Variants in KTN1 observed in about 807,000 individuals in gnomAD.
KTN1 encodes the protein kinectin 1, also known as kinectin.
A neutral mutation model predicts 222.5 loss-of-function variants in KTN1; 130 were observed. The observed-to-expected ratio is 0.58, with a 90% confidence interval of 0.51 to 0.68. KTN1 has a LOEUF of 0.68. Among genes scored for constraint, KTN1 ranks in the 30% least tolerant of loss-of-function variants. The pLI, the probability that KTN1 is intolerant of heterozygous loss-of-function variation, is 0.00. For synonymous variants in KTN1, 512 were observed against 496.3 expected, an observed-to-expected ratio of 1.03 and a Z score of -0.42; for missense variants, 1,508 against 1,500.4, an observed-to-expected ratio of 1.01 and a Z score of -0.08.
intron 28 of KTN1, among the ~76,000 whole-genome samples, chr14:55,655,749 G>C (rs1356331780): frequency 2.0e-5 from 3 of 152,126 alleles, no homozygotes; most frequent in Non-Finnish European, 4.4e-5. Context: ...AAAACTCCTT[G>C]CTTTTGAAGT....
Position 55,617,762 on chromosome 14 carries a change from A to G in KTN1, c.662-202A>G, listed in dbSNP as rs536322249. On this transcript the variant is annotated intron_variant, in intron 3 of 43. Coordinates refer to ENST00000395314, the MANE Select transcript of KTN1 (RefSeq NM_001079521.2). ...TTTTAGATGATTTAAATGATTTACTATAAAATAAGACTGTTGAGCTGGTAC... is the reference window on the plus strand; with the variant it reads ...TTTTAGATGATTTAAATGATTTACTGTAAAATAAGACTGTTGAGCTGGTAC... 7.2e-5 allele frequency among the ~76,000 whole-genome samples: 11 copies of G among 152,336 alleles called. No homozygotes were observed. In the South Asian group the frequency reaches 2.1e-3, roughly 29 times the overall value.
chr14:55,619,403 C>G, intron 5 of KTN1, 91 bp downstream of exon 5: 3 of 1,182,168 alleles, frequency 2.5e-6, no homozygotes, highest in Middle Eastern at 2.0e-4. Context: ...AATATCTACT[C>G]CCATCCTTAA....
rs550221626 is a variant in KTN1, at chr14:55,650,477, A to T, written c.2496+59A>T. ...TTGTTTATCAACTTTAGTTAATATCATTTAATTTCGTGTGTTTTTGTCTGT... is the reference window on the plus strand; with the variant it reads ...TTGTTTATCAACTTTAGTTAATATCTTTTAATTTCGTGTGTTTTTGTCTGT... On this transcript the variant is annotated intron_variant, in intron 23 of 43. Transcript: ENST00000395314. The T allele has an allele frequency of 6.0e-4, 908 of 1,505,376 alleles. 7 individuals are homozygous for T. Among genetic ancestry groups the T allele is most frequent in the South Asian group, 3.6e-3 (310 of 86,472 alleles). The allele number at this position is 1,505,376 out of a possible 1,614,324, so 93.3% of individuals were successfully genotyped here.
intron 12 of KTN1, among the ~76,000 whole-genome samples, chr14:55,638,887 C>T (rs1413403753): frequency 6.6e-6 from 1 of 151,720 alleles, no homozygotes; most frequent in Non-Finnish European, 1.5e-5. Context: ...TGACAAATGG[C>T]CTTTCTGGCT....
At position 55,663,979 on chromosome 14, in the gene KTN1, G is replaced by A. The variant is rs1171917251; in HGVS notation, c.3115G>A (p.Ala1039Thr). The change falls in exon 33 of 44, where the codon GCA (alanine) becomes ACA (threonine). Residue 1039 changes from alanine (A) to threonine (T), a missense_variant. Transcript: ENST00000395314. Reference protein sequence around the residue: ...NNDLREKNWEAMEALASTEKM... With the variant: ...NNDLREKNWETMEALASTEKM... ...GGACCTTCGGGAGAAAAACTGGGAA[G>A]CAATGGAAGCATTGGCATCAACTGA... is the stretch of plus-strand genomic sequence containing the variant. The A allele has an allele frequency of 1.9e-6, 3 of 1,611,918 alleles. No individual in the cohort carries two copies. The highest frequency in any genetic ancestry group is 2.5e-6 in the Non-Finnish European group (3 of 1,178,382).
chr14:55,669,378 A>G (rs2045225062), intron 34 of KTN1, among the ~76,000 whole-genome samples: 1 of 152,134 alleles, frequency 6.6e-6, no homozygotes, highest in Non-Finnish European at 1.5e-5. Flanking sequence ...ATAGTCTACA[A>G]GAAATGTACT....
chr14:55,653,108 A>G (rs756337468), intron 27 of KTN1, 23 bp downstream of exon 27: 2 of 1,362,864 alleles, frequency 1.5e-6, no homozygotes, highest in South Asian at 1.2e-5. Context: ...CAAATTACCA[A>G]CATGTTACAT....
chr14:55,669,522 A>C (rs1053442016), intron 34 of KTN1, among the ~76,000 whole-genome samples: 1 of 151,994 alleles, frequency 6.6e-6, no homozygotes, highest in African/African-American at 2.4e-5. Context: ...GATAATTAGT[A>C]GATATAAAAA....
At chr14:55,633,194 G>T (rs1305344855) in intron 7 of KTN1, 41 bp from the exon 8 acceptor site, 1 of 1,135,048 alleles carries the variant, frequency 8.8e-7, no homozygotes, top group African/African-American at 1.6e-5. Flanking sequence ...AGCTTTGACA[G>T]TCTTTGTTTT....
chr14:55,587,211 T>C (rs1052466181), intron 1 of KTN1, among the ~76,000 whole-genome samples: 1 of 152,320 alleles, frequency 6.6e-6, no homozygotes, highest in South Asian at 2.1e-4. Context: ...TTGAGTCTTT[T>C]GCTTTACTTG....
At chr14:55,625,843 A>T (rs892781661) in intron 5 of KTN1, among the ~76,000 whole-genome samples, 3 of 152,166 alleles carry the variant, frequency 2.0e-5, no homozygotes, top group Non-Finnish European at 4.4e-5. Context: ...GTCTGACGCC[A>T]GCCTGCATTT....
At chr14:55,585,836 T>C (rs185412796) in intron 1 of KTN1, among the ~76,000 whole-genome samples, 1 of 152,210 alleles carries the variant, frequency 6.6e-6, no homozygotes, top group Non-Finnish European at 1.5e-5. Flanking sequence ...GCTTCCACTT[T>C]GAATAGGTTC....
chr14:55,589,566 T>C (rs2033703826), intron 1 of KTN1, among the ~76,000 whole-genome samples: 1 of 151,646 alleles, frequency 6.6e-6, no homozygotes, highest in South Asian at 2.1e-4. Context: ...TGCCTTAGCC[T>C]CCCAAAGTGC....
At chr14:55,659,029 C>G (rs2141201025) in intron 30 of KTN1, among the ~76,000 whole-genome samples, 1 of 151,696 alleles carries the variant, frequency 6.6e-6, no homozygotes, top group African/African-American at 2.4e-5. Context: ...AAGAGGTTTT[C>G]AAGTTATAAT....
chr14:55,646,483 T>TTC lies in KTN1; in HGVS notation c.2173-490_2173-489insTC, dbSNP rs1555377283. On this transcript the variant is annotated intron_variant, in intron 18 of 43. Transcript: ENST00000395314. ...CCTTTTCCTTTCCTTTCCTTTCCTT[T>TTC]CCTTTCCTTTCCTTTCCTTTCCTTT... 1.9e-3 allele frequency among the ~76,000 whole-genome samples: 125 copies of TTC among 65,034 alleles called. 1 individual carries two copies. The highest frequency in any genetic ancestry group is 7.3e-3 in the African/African-American group (96 of 13,098). 42.7% of individuals were successfully genotyped at this position (65,034 alleles called of 152,430 possible).
At chr14:55,679,539 T>A in intron 42 of KTN1, 26 bp from the exon 43 acceptor site, 2 of 1,583,996 alleles carry the variant, frequency 1.3e-6, no homozygotes, top group South Asian at 2.3e-5. Context: ...GTATGGAGTT[T>A]ATCATCACTT....
At position 55,641,109 on chromosome 14, in the gene KTN1, T is replaced by G. The variant is rs1045509025; in HGVS notation, c.2022-18T>G. On this transcript the variant is annotated intron_variant, in intron 16 of 43. Transcript: ENST00000395314. ...CTGAATGTATGAAGTATTTTAATTT[T>G]TTTTTTCACCCTCATAGTGTTTATG... is the stretch of plus-strand genomic sequence containing the variant. The G allele has an allele frequency of 2.6e-6, 4 of 1,549,426 alleles. No individual in the cohort carries two copies. Among genetic ancestry groups the G allele is most frequent in the African/African-American group, 1.4e-5 (1 of 72,558 alleles).
At chr14:55,590,918 C>A (rs1343468942) in intron 1 of KTN1, among the ~76,000 whole-genome samples, 1 of 152,188 alleles carries the variant, frequency 6.6e-6, no homozygotes, top group Non-Finnish European at 1.5e-5. Flanking sequence ...TTGTGATCCA[C>A]CCGCCTTGGC....
rs2038404447 is a variant in KTN1 at position 55,616,458 on chromosome 14, T to C, written c.524-59T>C. 4.2e-6 allele frequency: 6 copies of C among 1,441,254 alleles called. No homozygotes were observed. In the South Asian group the frequency reaches 7.0e-5, roughly 17 times the overall value. 89.3% of individuals were successfully genotyped at this position (1,441,254 alleles called of 1,614,324 possible). On this transcript the variant is annotated intron_variant, in intron 2 of 43. Coordinates refer to ENST00000395314, the MANE Select transcript of KTN1 (RefSeq NM_001079521.2). Reference sequence around the variant, plus strand: ...TTCTGGGAATTACTCAGTGATTGCATCTTTTCCGTTATGTTCATTGTTTGC... The same window carrying C: ...TTCTGGGAATTACTCAGTGATTGCACCTTTTCCGTTATGTTCATTGTTTGC...
Sources: gnomAD v4.1 joint callset for allele counts (sites outside exome capture counted in the v4.1 genomes callset) on GRCh38, gnomAD v4.1.1 for gene constraint, MANE v1.5 for transcripts, NCBI Gene and HGNC (gene_info 2026-07-23, HGNC 2026-07-21) for gene names.